Variants in TCF4 observed in about 807,000 individuals in gnomAD.
TCF4 encodes SL3-3 enhancer factor 2.
TCF4 carries 3 observed loss-of-function variants against 82.1 expected under a neutral mutation model. That is an observed-to-expected ratio of 0.04 (90% CI 0.02 to 0.09). The LOEUF (loss-of-function observed/expected upper bound fraction) is 0.09. Among genes scored for constraint, TCF4 ranks in the 10% least tolerant of loss-of-function variants. TCF4 has a pLI of 1.00. For missense variants in TCF4, 518 were observed against 852.7 expected (o/e 0.61, Z 4.89); for synonymous variants, 276 against 309.6 (o/e 0.89, Z 1.14).
chr18:55,294,667 T>C (rs976211265), intron 8 of TCF4, among the ~76,000 whole-genome samples: 8 of 152,234 alleles, frequency 5.3e-5, no homozygotes, highest in Admixed American at 5.2e-4. Flanking sequence ...AATTCCACAG[T>C]TGTCCAGCAC....
chr18:55,256,818 C>CA (rs764243219), intron 14 of TCF4, among the ~76,000 whole-genome samples: 1 of 152,116 alleles, frequency 6.6e-6, no homozygotes, highest in Non-Finnish European at 1.5e-5. Flanking sequence ...TAATAATTAA[C>CA]TACATCCATG....
intron 5 of TCF4, among the ~76,000 whole-genome samples, chr18:55,438,578 T>G (rs1489148711): frequency 6.6e-6 from 1 of 152,178 alleles, no homozygotes; most frequent in Non-Finnish European, 1.5e-5. Flanking sequence ...ACATTACATA[T>G]GAGAATCAAG....
chr18:55,546,808 GTT>G (rs2097211142), intron 3 of TCF4: 1 of 152,148 alleles, frequency 6.6e-6, no homozygotes, highest in South Asian at 2.1e-4. Context: ...CAGGCTTTAC[GTT>G]AACAGACTTA....
intron 2 of TCF4, among the ~76,000 whole-genome samples, chr18:55,616,081 T>C (rs1382599412): frequency 6.6e-6 from 1 of 152,118 alleles, no homozygotes; most frequent in African/African-American, 2.4e-5. Flanking sequence ...CTCTAGAACT[T>C]GTTCATCTTG....
chr18:55,483,813 G>C (rs2096477366), intron 3 of TCF4, among the ~76,000 whole-genome samples: 1 of 152,122 alleles, frequency 6.6e-6, no homozygotes, highest in South Asian at 2.1e-4. Flanking sequence ...GCATTTTTTG[G>C]AAAACCTTTC....
At position 55,588,105 on chromosome 18, in the gene TCF4, G is replaced by A. The variant is rs1340223531; in HGVS notation, c.-88C>T. On this transcript the variant is annotated 5_prime_UTR_variant, in exon 1 of 20. Coordinates refer to ENST00000354452, the MANE Select transcript of TCF4 (RefSeq NM_001083962.2). ...GAGGCGGCGTTCATGTCTAACCGCC[G>A]CCGCCACCGCCGCCGCCTGCTCCTG... 11 of 1,024,106 alleles carry A rather than the reference G, an allele frequency of 1.1e-5. No individual in the cohort carries two copies. The African/African-American group carries it at 1.7e-4, about 16-fold the overall frequency. 63.4% of individuals were successfully genotyped at this position (1,024,106 alleles called of 1,614,324 possible).
chr18:55,456,675 A>C (rs959643686), intron 5 of TCF4, among the ~76,000 whole-genome samples: 1 of 152,164 alleles, frequency 6.6e-6, no homozygotes, highest in Non-Finnish European at 1.5e-5. Flanking sequence ...TACCTGCAAA[A>C]GTTTAGTGCT....
At chr18:55,548,217 A>G (rs2097223166) in intron 3 of TCF4, among the ~76,000 whole-genome samples, 1 of 152,220 alleles carries the variant, frequency 6.6e-6, no homozygotes, top group Admixed American at 6.5e-5. Flanking sequence ...TTTTCTGACA[A>G]TTCTGAAAGG....
At chr18:55,420,835 A>T (rs981201015) in intron 5 of TCF4, among the ~76,000 whole-genome samples, 1 of 152,046 alleles carries the variant, frequency 6.6e-6, no homozygotes, top group Non-Finnish European at 1.5e-5. Flanking sequence ...ACAGATTTTT[A>T]AATGAGCCCC....
chr18:55,296,088 A>G (rs908340001), intron 8 of TCF4, among the ~76,000 whole-genome samples: 42 of 151,992 alleles, frequency 2.8e-4, no homozygotes, highest in Non-Finnish European at 8.8e-5. Context: ...TGAAGGAGTT[A>G]GGAAAAGTAC....
chr18:55,505,294 G>T (rs1400701822), intron 3 of TCF4, among the ~76,000 whole-genome samples: 1 of 152,106 alleles, frequency 6.6e-6, no homozygotes, highest in Non-Finnish European at 1.5e-5. Flanking sequence ...ATTGTCATAT[G>T]CTGGATAGCT....
chr18:55,564,161 CA>C (rs1178262543), intron 3 of TCF4, among the ~76,000 whole-genome samples: 1 of 152,170 alleles, frequency 6.6e-6, no homozygotes, highest in African/African-American at 2.4e-5. Flanking sequence ...ACTGCATGTG[CA>C]AAGGCCCTGA....
chr18:55,498,509 C>T (rs994985810), intron 3 of TCF4, among the ~76,000 whole-genome samples: 1 of 152,210 alleles, frequency 6.6e-6, no homozygotes, highest in Non-Finnish European at 1.5e-5. Context: ...TGTAAACTTA[C>T]GAGCGTGAGA....
chr18:55,549,330 T>TA (rs998201760), intron 3 of TCF4, among the ~76,000 whole-genome samples: 197 of 142,692 alleles, frequency 1.4e-3, no homozygotes, highest in Middle Eastern at 3.7e-3. Flanking sequence ...CTTGCTTTAA[T>TA]AAAAAAAAAA....
chr18:55,485,638 G>A (rs1428867404), intron 3 of TCF4, among the ~76,000 whole-genome samples: 10 of 152,180 alleles, frequency 6.6e-5, no homozygotes, highest in African/African-American at 1.4e-4. Flanking sequence ...CACAGGTAAC[G>A]TTAATGGCTA....
chr18:55,295,081 C>A (rs1601712306), intron 8 of TCF4, among the ~76,000 whole-genome samples: 1 of 152,160 alleles, frequency 6.6e-6, no homozygotes, highest in East Asian at 1.9e-4. Flanking sequence ...GAGGCACAAT[C>A]CAGAATGCAA....
At chr18:55,362,390 GA>G (rs1569191021) in intron 6 of TCF4, among the ~76,000 whole-genome samples, 67 of 88,116 alleles carry the variant, frequency 7.6e-4, no homozygotes, top group Non-Finnish European at 1.4e-3. Context: ...AGGAAGGAAG[GA>G]AAGAAGGAAG....
chr18:55,635,275 G>A (rs775778014), intron 1 of TCF4, among the ~76,000 whole-genome samples: 5 of 152,262 alleles, frequency 3.3e-5, no homozygotes, highest in Admixed American at 6.5e-5. Context: ...TTGGGAGGCC[G>A]AGATGGACAG....
At chr18:55,629,366 C>A (rs1603625724) in intron 2 of TCF4, among the ~76,000 whole-genome samples, 1 of 152,034 alleles carries the variant, frequency 6.6e-6, no homozygotes, top group South Asian at 2.1e-4. Context: ...ATGGTGATGA[C>A]GAATGAAAGT....
Sources: allele counts gnomAD v4.1 joint callset (sites outside exome capture counted in the v4.1 genomes callset), GRCh38; gene constraint gnomAD v4.1.1; transcripts MANE v1.5; gene names NCBI Gene and HGNC (gene_info 2026-07-23, HGNC 2026-07-21).